The following HLTF variants were observed in gnomAD, a reference collection of about 807,000 sequenced individuals.
The protein encoded by HLTF is helicase like transcription factor, also known as DNA-dependent ATPase/E3 ubiquitin-protein ligase HLTF.
A neutral mutation model predicts 129.4 loss-of-function variants in HLTF; 127 were observed. The ratio of observed to expected loss-of-function variants is 0.98; its 90% CI spans 0.85 to 1.14. The LOEUF is 1.14. HLTF is among the 50% of genes most tolerant of loss of function. The pLI is 0.00. For missense variants in HLTF, 1,139 were observed against 1,187.1 expected (o/e 0.96, Z 0.60); for synonymous variants, 332 against 388.8 (o/e 0.85, Z 1.72).
chr3:149,046,929 G>C (rs1053516100), intron 17 of HLTF, among the ~76,000 whole-genome samples: 1 of 152,180 alleles, frequency 6.6e-6, no homozygotes, highest in Non-Finnish European at 1.5e-5. Context: ...CAAGTGGATA[G>C]TACTGCCAAC....
At chr3:149,060,467 C>T (rs1717832606) in intron 12 of HLTF, among the ~76,000 whole-genome samples, 176 bp downstream of exon 12, 2 of 151,868 alleles carry the variant, frequency 1.3e-5, no homozygotes, top group South Asian at 4.2e-4. Context: ...TTCACTTTTC[C>T]TCCTTTACAA....
Position 149,032,301 on chromosome 3 carries a change from T to A in HLTF, c.2949A>T (p.Gly983=). 2 of 1,602,134 alleles carry A rather than the reference T, an allele frequency of 1.2e-6. No homozygotes were observed. Among genetic ancestry groups the A allele is most frequent in the South Asian group, 1.1e-5 (1 of 88,906 alleles). ...CATTTGGTTTTTTAGTTCCAAAGGC[T>A]CCTGCTGCAAGTTCTCTCTTTTTGT... ...IQNKKRELAA[G]AFGTKKPNAD... The change falls in exon 25 of 25, where the codon GGA becomes GGT. Residue 983 remains glycine, a synonymous_variant. Transcript: ENST00000310053.
At position 149,048,855 on chromosome 3, in the gene HLTF, A is replaced by G. The variant is rs755360171; in HGVS notation, c.1756+8T>C. 7 of 1,607,886 alleles carry G rather than the reference A, an allele frequency of 4.4e-6. No homozygotes were observed. The highest frequency in any genetic ancestry group is 1.1e-5 in the South Asian group (1 of 90,888). On this transcript the variant is annotated splice_region_variant and intron_variant, in intron 16 of 24. Coordinates refer to ENST00000310053, the MANE Select transcript of HLTF (RefSeq NM_003071.4). ...TTAAGGTTTTAGTAAGTTTAATGCT[A>G]TGATTACCTGTCAAAACCCATCTTC...
At chr3:149,059,589 A>C in intron 13 of HLTF, 129 bp downstream of exon 13, 1 of 621,722 alleles carries the variant, frequency 1.6e-6, no homozygotes. Flanking sequence ...TTAATGGGTT[A>C]TATACTTTAA....
At chr3:149,065,176 G>T (rs1718257562) in intron 8 of HLTF, among the ~76,000 whole-genome samples, 1 of 152,014 alleles carries the variant, frequency 6.6e-6, no homozygotes, top group African/African-American at 2.4e-5. Flanking sequence ...TTCAAGAACT[G>T]GGATTTACTT....
chr3:149,037,719 TTC>T (rs535035378), intron 23 of HLTF, among the ~76,000 whole-genome samples: 126 of 152,318 alleles, frequency 8.3e-4, no homozygotes, highest in Non-Finnish European at 1.4e-3. Context: ...GTTAAAAATC[TTC>T]TGAGTTTCAG....
chr3:149,081,870 C>A (rs1719902508), intron 2 of HLTF, among the ~76,000 whole-genome samples: 1 of 152,150 alleles, frequency 6.6e-6, no homozygotes, highest in African/African-American at 2.4e-5. Flanking sequence ...CAAAATCCTT[C>A]AGGAATAGGA....
chr3:149,064,884 T>C lies in HLTF; in HGVS notation c.991-18A>G, dbSNP rs2108027717. On this transcript the variant is annotated intron_variant, in intron 8 of 24. Transcript: ENST00000310053. ...TTATATTCCTGGGTAAATAGGCATA[T>C]TTCTTAAACAGTACTGCTATCAGTT... The C allele has an allele frequency of 7.1e-7, 1 of 1,412,052 alleles. No individual in the cohort carries two copies. 87.5% of individuals were successfully genotyped at this position (1,412,052 alleles called of 1,614,324 possible).
chr3:149,073,089 A>AT, intron 5 of HLTF, 136 bp downstream of exon 5: 1 of 473,690 alleles, frequency 2.1e-6, no homozygotes, highest in Non-Finnish European at 3.8e-6. Flanking sequence ...TATTTATTCT[A>AT]TAACATGTTT....
At chr3:149,057,107 CAAAAAAAAAAAAAAAA>C (rs56809507) in intron 13 of HLTF, among the ~76,000 whole-genome samples, 2 of 27,730 alleles carry the variant, frequency 7.2e-5, no homozygotes, top group African/African-American at 2.7e-4. Context: ...GACTCCGTCT[CAAAAAAAAAAAAAAAA>C]AAAAAAAAAA....
chr3:149,067,200 A>G (rs115678672), intron 8 of HLTF, among the ~76,000 whole-genome samples: 2,709 of 151,406 alleles, frequency 0.018, 87 homozygotes, highest in African/African-American at 0.062. Flanking sequence ...ATATATACAC[A>G]CACACACACA....
chr3:149,043,854 T>C (rs1400209939), intron 18 of HLTF, among the ~76,000 whole-genome samples: 1 of 152,282 alleles, frequency 6.6e-6, no homozygotes, highest in African/African-American at 2.4e-5. Flanking sequence ...ATTGTAAAAG[T>C]ACCTACCTCA....
chr3:149,068,799 G>A (rs997847641), intron 7 of HLTF, among the ~76,000 whole-genome samples: 4 of 152,146 alleles, frequency 2.6e-5, no homozygotes, highest in African/African-American at 9.7e-5. Flanking sequence ...TATTTCTTAT[G>A]CATTTTTCTT....
chr3:149,040,529 GGCTTATAAAGCTATTAA>G (rs943562309), intron 20 of HLTF, among the ~76,000 whole-genome samples: 3 of 151,474 alleles, frequency 2.0e-5, no homozygotes, highest in African/African-American at 7.3e-5. Flanking sequence ...CCATCTTAAT[GGCTTATAAAGCTATTAA>G]GCTTATAAAG....
At chr3:149,053,996 G>T (rs1717212877) in intron 14 of HLTF, among the ~76,000 whole-genome samples, 2 of 151,668 alleles carry the variant, frequency 1.3e-5, no homozygotes, top group East Asian at 3.9e-4. Context: ...GTCCTAAGAG[G>T]AAAAATGATA....
At chr3:149,078,983 C>T (rs1268340020) in intron 2 of HLTF, among the ~76,000 whole-genome samples, 2 of 152,036 alleles carry the variant, frequency 1.3e-5, no homozygotes, top group African/African-American at 4.8e-5. Flanking sequence ...GGTACAATAA[C>T]TGAAGAAAAA....
At chr3:149,037,874 A>C (rs1408137504) in intron 23 of HLTF, among the ~76,000 whole-genome samples, 1 of 152,210 alleles carries the variant, frequency 6.6e-6, no homozygotes, top group Non-Finnish European at 1.5e-5. Context: ...TTGTACACGT[A>C]GAAAAACACG....
At chr3:149,052,212 C>T (rs1395325532) in intron 14 of HLTF, 1 of 149,474 alleles carries the variant, frequency 6.7e-6, no homozygotes, top group Non-Finnish European at 1.5e-5. Flanking sequence ...ATGTGTCAGA[C>T]TTTTGGTAAT....
chr3:149,059,696 G>T, intron 13 of HLTF, 22 bp downstream of exon 13: 1 of 1,428,284 alleles, frequency 7.0e-7, no homozygotes, highest in Non-Finnish European at 9.6e-7. Context: ...CCAAAAACTA[G>T]AAAACAAGGA....
Sources: gnomAD v4.1 joint callset for allele counts (sites outside exome capture counted in the v4.1 genomes callset) on GRCh38, gnomAD v4.1.1 for gene constraint, MANE v1.5 for transcripts, NCBI Gene and HGNC (gene_info 2026-07-23, HGNC 2026-07-21) for gene names.